The following ZNF831 variants were observed in gnomAD, a reference collection of about 807,000 sequenced individuals.
ZNF831 encodes zinc finger protein 831.
In ZNF831, 59 loss-of-function variants were observed where a neutral mutation model predicts 95.8. The observed-to-expected ratio is 0.62, with a 90% confidence interval of 0.50 to 0.77. The LOEUF is 0.77. Among genes scored for constraint, ZNF831 ranks in the 30% least tolerant of loss-of-function variants. The probability of loss-of-function intolerance (pLI) is 0.00; values close to 1 mark genes in which losing one functional copy is unlikely to be tolerated. For missense variants in ZNF831, 2,205 were observed against 2,164.0 expected, an observed-to-expected ratio of 1.02 and a Z score of -0.38; for synonymous variants, 961 against 925.5, an observed-to-expected ratio of 1.04 and a Z score of -0.70.
At chr20:59,152,396 G>C (rs2146458708) in intron 2 of ZNF831, among the ~76,000 whole-genome samples, 1 of 152,162 alleles carries the variant, frequency 6.6e-6, no homozygotes, top group South Asian at 2.1e-4. Flanking sequence ...GTGGATTTTG[G>C]GTTTGTGGAT....
At position 59,256,662 on chromosome 20, in the gene ZNF831, AAATGCATGGACTC is replaced by A. The variant is rs1463233857; in HGVS notation, c.*1924_*1936del. ...TGATAGAGAAGCTGCTCTCTCCTTA[AAATGCATGGACTC>A]AATGGCTTGAAGATATTCCCCATGG... On this transcript the variant is annotated 3_prime_UTR_variant, in exon 6 of 6. Coordinates refer to ENST00000371030, the MANE Select transcript of ZNF831 (RefSeq NM_178457.3). 2 of 152,238 alleles carry A rather than the reference AAATGCATGGACTC, an allele frequency of 1.3e-5. No individual in the cohort carries two copies. Among genetic ancestry groups the A allele is most frequent in the African/African-American group, 4.8e-5 (2 of 41,460 alleles). The allele number at this position is 152,238 out of a possible 1,614,324, so 9.4% of individuals were successfully genotyped here.
chr20:59,249,139 G>T (rs186843060), intron 4 of ZNF831, among the ~76,000 whole-genome samples: 60 of 152,144 alleles, frequency 3.9e-4, no homozygotes, highest in Admixed American at 3.3e-3. Context: ...AATATCCTTT[G>T]TGGACTTGTT....
chr20:59,140,421 A>G (rs1979642425), intron 1 of ZNF831, among the ~76,000 whole-genome samples: 1 of 152,194 alleles, frequency 6.6e-6, no homozygotes, highest in Non-Finnish European at 1.5e-5. Flanking sequence ...CCTCCACCCC[A>G]TGGGAACAGT....
Position 59,191,402 on chromosome 20 carries a change from T to C in ZNF831, c.383T>C (p.Leu128Pro). ...ACTCTGCCTGTCCTGTCGCCGGGCCTGGGCCCCACGCTGGGCAGCCCAGGC... is the reference window on the plus strand; with the variant it reads ...ACTCTGCCTGTCCTGTCGCCGGGCCCGGGCCCCACGCTGGGCAGCCCAGGC... ...VGTLPVLSPGLGPTLGSPGKV... is the reference protein window; with the variant it reads ...VGTLPVLSPGPGPTLGSPGKV... Residue 128 changes from leucine to proline, a missense_variant, in exon 2 of 6, where the codon CTG (leucine) becomes CCG (proline). Physicochemically the swap from Leu to Pro is moderately conservative, Grantham distance 98. Coordinates refer to ENST00000371030, the MANE Select transcript of ZNF831 (RefSeq NM_178457.3). The C allele has an allele frequency of 6.2e-7, 1 of 1,610,238 alleles. No homozygotes were observed.
intron 4 of ZNF831, among the ~76,000 whole-genome samples, chr20:59,222,332 A>G (rs1033130683): frequency 8.6e-5 from 13 of 151,366 alleles, no homozygotes; most frequent in African/African-American, 2.9e-4. Flanking sequence ...CGCTCCCGAG[A>G]CCCCCCTACC....
At chr20:59,139,939 C>G (rs1979625032) in intron 1 of ZNF831, among the ~76,000 whole-genome samples, 1 of 152,092 alleles carries the variant, frequency 6.6e-6, no homozygotes, top group African/African-American at 2.4e-5. Flanking sequence ...GAATAACAAC[C>G]AAGTTATTTC....
chr20:59,252,641 A>C (rs1987951629), intron 4 of ZNF831, among the ~76,000 whole-genome samples: 1 of 152,074 alleles, frequency 6.6e-6, no homozygotes, highest in African/African-American at 2.4e-5. Flanking sequence ...CAGAGAATTC[A>C]AGCTGATCTA....
intron 1 of ZNF831, among the ~76,000 whole-genome samples, chr20:59,137,307 C>T (rs968907911): frequency 7.3e-5 from 11 of 150,312 alleles, no homozygotes; most frequent in East Asian, 1.9e-4. Flanking sequence ...ATCAATGAAG[C>T]GCTGTATACA....
chr20:59,193,642 C>T lies in ZNF831; in HGVS notation c.2623C>T (p.Gln875Ter), dbSNP rs779863190. Residue 875 changes from glutamine to a stop codon, truncating the protein, a stop_gained, in exon 2 of 6, where the codon CAG becomes TAG. Coordinates refer to ENST00000371030, the MANE Select transcript of ZNF831 (RefSeq NM_178457.3). LOFTEE classifies it high-confidence loss of function. ...VPGGSKESAR[Q>*]VGEPLESSGA... ...AGGGGGCTCAAAGGAGAGTGCCAGG[C>T]AGGTGGGCGAGCCTCTGGAGTCCTC... 1 of 1,612,724 alleles carries T rather than the reference C, an allele frequency of 6.2e-7. No individual in the cohort carries two copies. Among genetic ancestry groups the T allele is most frequent in the Non-Finnish European group, 8.5e-7 (1 of 1,179,734 alleles).
At chr20:59,124,892 T>A (rs1979121482) in intron 1 of ZNF831, among the ~76,000 whole-genome samples, 1 of 152,150 alleles carries the variant, frequency 6.6e-6, no homozygotes, top group Admixed American at 6.5e-5. Flanking sequence ...AGGATGAGGA[T>A]CCCATCCCCG....
At chr20:59,126,063 G>A (rs749833848) in intron 1 of ZNF831, among the ~76,000 whole-genome samples, 9 of 152,110 alleles carry the variant, frequency 5.9e-5, no homozygotes, top group Non-Finnish European at 8.8e-5. Flanking sequence ...AAACGTCCCC[G>A]GCTGGCAGAA....
chr20:59,242,014 T>G (rs1211489022), intron 4 of ZNF831, among the ~76,000 whole-genome samples: 1 of 152,268 alleles, frequency 6.6e-6, no homozygotes. Flanking sequence ...AGTCTTGGTT[T>G]GAGCGAAGCC....
rs751280110 is a variant in ZNF831 at position 59,217,015 on chromosome 20, A to G, written c.4027+9959A>G. ...CAAAAAAGTTAATTATTAGTTTTTA[A>G]TTACACGTGTAATCATGAATAATAC... On this transcript the variant is annotated intron_variant, in intron 4 of 5. Coordinates refer to ENST00000371030, the MANE Select transcript of ZNF831 (RefSeq NM_178457.3). This position sits in a 1 kb window ranked among gnomAD's most constrained non-coding sequence, Gnocchi z 4.4. Among the ~76,000 whole-genome samples, 14 of 152,338 alleles carry G rather than the reference A, an allele frequency of 9.2e-5. No individual in the cohort carries two copies. The highest frequency in any genetic ancestry group is 3.4e-3 in the Middle Eastern group (1 of 294).
chr20:59,156,467 A>G lies in ZNF831; in HGVS notation c.-1280-3185A>G, dbSNP rs374119373. ...CTTGAACCCAGGAGGTGGAGGTTGC[A>G]GTAAGCCGAGATTGCACCACTGCAC... is the stretch of plus-strand genomic sequence containing the variant. On this transcript the variant is annotated intron_variant, in intron 2 of 7. Coordinates refer to the ZNF831 transcript ENST00000637017. Among the ~76,000 whole-genome samples the G allele has an allele frequency of 1.1e-4, 17 of 152,314 alleles. No homozygotes were observed. The South Asian group carries it at 3.3e-3, about 30-fold the overall frequency.
rs1405312755 is a variant in ZNF831 at position 59,192,986 on chromosome 20, T to C, written c.1967T>C (p.Leu656Pro). 6.3e-6 allele frequency: 10 copies of C among 1,582,834 alleles called. No individual in the cohort carries two copies. Among genetic ancestry groups the C allele is most frequent in the Non-Finnish European group, 8.6e-6 (10 of 1,165,862 alleles). ...REVGMGSGAE[L>P]GFPLQKEAAG... ...GTGGGAATGGGCAGTGGGGCAGAACTGGGCTTTCCTCTGCAGAAAGAGGCA... is the reference window on the plus strand; with the variant it reads ...GTGGGAATGGGCAGTGGGGCAGAACCGGGCTTTCCTCTGCAGAAAGAGGCA... Residue 656 changes from leucine (L) to proline (P), a missense_variant, in exon 2 of 6, where the codon CTG (leucine) becomes CCG (proline). Coordinates refer to ENST00000371030, the MANE Select transcript of ZNF831 (RefSeq NM_178457.3). The surrounding 1 kb of genome is among the most constrained non-coding windows in gnomAD (Gnocchi z 5.2).
intron 3 of ZNF831, among the ~76,000 whole-genome samples, chr20:59,203,995 A>G (rs76760303): frequency 6.6e-6 from 1 of 152,236 alleles, no homozygotes; most frequent in African/African-American, 2.4e-5. Context: ...ACTGTGCTGT[A>G]TGAAGCATGA....
intron 4 of ZNF831, among the ~76,000 whole-genome samples, chr20:59,227,229 G>A (rs1986480163): frequency 6.6e-6 from 1 of 152,270 alleles, no homozygotes; most frequent in South Asian, 2.1e-4. Context: ...TTCCCAAACA[G>A]TATTATGTAA....
intron 4 of ZNF831, among the ~76,000 whole-genome samples, chr20:59,247,742 T>A (rs114066116): frequency 5.3e-5 from 8 of 152,360 alleles, no homozygotes; most frequent in Admixed American, 1.3e-4. Context: ...ACCCTTTTTT[T>A]AAATAATAAT....
rs6100375 is a variant in ZNF831 at position 59,236,162 on chromosome 20, A to G, written c.4028-16816A>G. Among the ~76,000 whole-genome samples, 386 of 152,282 alleles carry G rather than the reference A, an allele frequency of 2.5e-3. 3 individuals are homozygous for G. The highest frequency in any genetic ancestry group is 8.8e-3 in the African/African-American group (365 of 41,560). On this transcript the variant is annotated intron_variant, in intron 4 of 5. Transcript: ENST00000371030. Reference sequence around the variant, plus strand: ...TTCCTGTTCTGTTCGAGATCCCTCCAAAGTCAGGAGACACTGGTGATGTGG... The same window carrying G: ...TTCCTGTTCTGTTCGAGATCCCTCCGAAGTCAGGAGACACTGGTGATGTGG...
Sources: gnomAD v4.1 joint callset for allele counts (sites outside exome capture counted in the v4.1 genomes callset) on GRCh38, gnomAD v4.1.1 for gene constraint, Gnocchi (gnomAD v3.1) non-coding constraint, MANE v1.5 for transcripts, NCBI Gene and HGNC (gene_info 2026-07-23, HGNC 2026-07-21) for gene names.